The following MTX3 variants were observed in gnomAD, a reference collection of about 807,000 sequenced individuals.
MTX3 encodes the protein metaxin 3.
Under a neutral mutation model 42.5 loss-of-function variants are expected in MTX3, and 27 were observed. That is an observed-to-expected ratio of 0.64 (90% confidence interval 0.47 to 0.88). The LOEUF (loss-of-function observed/expected upper bound fraction) is 0.88, where lower values mean the gene tolerates loss of function less well. MTX3 is among the 40% of genes least tolerant of loss of function. The pLI is 0.00. For missense variants in MTX3, 378 were observed against 367.0 expected, an observed-to-expected ratio of 1.03 and a Z score of -0.25; for synonymous variants, 144 against 132.9, an observed-to-expected ratio of 1.08 and a Z score of -0.57.
At position 79,982,267 on chromosome 5, in the gene MTX3, T is replaced by C. The variant is rs1831389815; in HGVS notation, c.*1417A>G. On this transcript the variant is annotated 3_prime_UTR_variant, in exon 9 of 9. Transcript: ENST00000512528. The stretch of plus-strand genomic sequence containing the variant: ...AACTTTCAAGAAAAAATATTTAGAA[T>C]GACTTAAAGACTCTTGTATAAATAA... 1 of 326,696 alleles carries C rather than the reference T, an allele frequency of 3.1e-6. No homozygotes were observed. Among genetic ancestry groups the C allele is most frequent in the African/African-American group, 2.2e-5 (1 of 45,682 alleles). 20.2% of individuals were successfully genotyped at this position (326,696 alleles called of 1,614,324 possible).
chr5:79,985,635 G>C lies in MTX3; in HGVS notation c.764C>G (p.Thr255Arg), dbSNP rs201814611. 2.8e-4 allele frequency: 449 copies of C among 1,612,766 alleles called. No individual in the cohort carries two copies. The highest frequency in any genetic ancestry group is 3.5e-4 in the Non-Finnish European group (415 of 1,179,154). The change falls in exon 8 of 9, where the codon ACG becomes AGG. Residue 255 changes from threonine (T) to arginine (R), a missense_variant. By Grantham distance (71) the Thr-to-Arg change is moderately conservative. Coordinates refer to ENST00000512528, the MANE Select transcript of MTX3 (RefSeq NM_001363818.2). ...GAGTTTCTGCAGATTTGCATCTACC[G>C]TTTCTTGTCCAGCTGGAGAGATGCC... Reference protein sequence around the residue: ...LGGISPAGQETVDANLQKLTQ... With the variant: ...LGGISPAGQERVDANLQKLTQ...
At chr5:79,990,778 C>T (rs532098708) in intron 1 of MTX3, 115 bp from the exon 2 acceptor site, 4 of 805,898 alleles carry the variant, frequency 5.0e-6, no homozygotes, top group Admixed American at 2.0e-5. Flanking sequence ...ATACTGAGGC[C>T]GCATCCCTCC....
chr5:79,983,687 G>A lies in MTX3; in HGVS notation c.936C>T (p.Pro312=). Residue 312 remains proline, a synonymous_variant, in exon 9 of 9, where the codon CCC becomes CCT. Transcript: ENST00000512528. ...EENNSFQRLS[P] is the part of the protein sequence containing the mutation. ...TGGCCACAAACCATGACTACTCTCA[G>A]GGCGAAAGCCGTTGGAAGGAATTAT... 1 of 1,610,862 alleles carries A rather than the reference G, an allele frequency of 6.2e-7. No individual in the cohort carries two copies. Among genetic ancestry groups the A allele is most frequent in the East Asian group, 2.2e-5 (1 of 44,870 alleles).
rs1212244923 is a variant in MTX3, at chr5:79,990,381, G to T, written c.152-145C>A. ...TGGTTTTTTTGCTGTTTCACAAAGA[G>T]CGGTTCTAAAGAACATTTTCGTTTC... On this transcript the variant is annotated intron_variant, in intron 2 of 8. Coordinates refer to ENST00000512528, the MANE Select transcript of MTX3 (RefSeq NM_001363818.2). The T allele has an allele frequency of 7.0e-6, 5 of 713,906 alleles. No individual in the cohort carries two copies. The East Asian group carries it at 1.4e-4, about 20-fold the overall frequency. The allele number at this position is 713,906 out of a possible 1,614,324, so 44.2% of individuals were successfully genotyped here. A position where few individuals can be genotyped will look rare whatever the true frequency, so the allele number is the denominator to read the frequency against.
intron 8 of MTX3, among the ~76,000 whole-genome samples, chr5:79,984,981 G>GTT (rs964452586): frequency 1.3e-5 from 2 of 150,702 alleles, no homozygotes; most frequent in Middle Eastern, 3.4e-3. Context: ...TTTTTGCTTT[G>GTT]TTTTTTTTTG....
chr5:79,986,148 G>A (rs549860586), intron 7 of MTX3, among the ~76,000 whole-genome samples: 2 of 152,100 alleles, frequency 1.3e-5, no homozygotes, highest in African/African-American at 4.8e-5. Context: ...TTCTAATTTA[G>A]TAAGTCTGGA....
Position 79,991,231 on chromosome 5 carries a change from G to A in MTX3, c.8C>T (p.Ala3Val), listed in dbSNP as rs1831661559. ...TCCCCAGCAACTGAGTTCCAAGGGG[G>A]CCGCCATCTTGCGCGGGCCGACCTT... The part of the protein sequence containing the change: MA[A>V]PLELSCWGGG... The change falls in exon 1 of 9, where the codon GCC becomes GTC. Residue 3 changes from alanine (A) to valine (V), a missense_variant. By Grantham distance (64) the Ala-to-Val change is moderately conservative. Transcript: ENST00000512528. The A allele has an allele frequency of 6.9e-7, 1 of 1,456,204 alleles. No individual in the cohort carries two copies. Among genetic ancestry groups the A allele is most frequent in the Non-Finnish European group, 9.1e-7 (1 of 1,100,522 alleles). 90.2% of individuals were successfully genotyped at this position (1,456,204 alleles called of 1,614,324 possible).
chr5:79,985,619 C>G lies in MTX3; in HGVS notation c.780G>C (p.Leu260=), dbSNP rs748902085. Residue 260 remains leucine, a synonymous_variant, in exon 8 of 9, where the codon CTG becomes CTC. Coordinates refer to ENST00000512528, the MANE Select transcript of MTX3 (RefSeq NM_001363818.2). ...TATTTACAAGTTGTGTGAGTTTCTG[C>G]AGATTTGCATCTACCGTTTCTTGTC... The part of the protein sequence containing the change: ...PAGQETVDAN[L]QKLTQLVNKE... 3.7e-6 allele frequency: 6 copies of G among 1,613,486 alleles called. No individual in the cohort carries two copies. The highest frequency in any genetic ancestry group is 3.3e-5 in the Admixed American group (2 of 59,998).
At chr5:79,985,074 C>T (rs1025756585) in intron 8 of MTX3, among the ~76,000 whole-genome samples, 5 of 152,096 alleles carry the variant, frequency 3.3e-5, no homozygotes, top group African/African-American at 7.2e-5. Flanking sequence ...CTCCGCCTCC[C>T]GGGTTCATGC....
chr5:79,978,926 T>C lies in MTX3; in HGVS notation c.*4758A>G, dbSNP rs781149291. The C allele has an allele frequency of 6.5e-6, 1 of 152,698 alleles. No homozygotes were observed. Among genetic ancestry groups the C allele is most frequent in the African/African-American group, 2.4e-5 (1 of 41,466 alleles). 9.5% of individuals were successfully genotyped at this position (152,698 alleles called of 1,614,324 possible). A position where few individuals can be genotyped will look rare whatever the true frequency, so the allele number is the denominator to read the frequency against. On this transcript the variant is annotated 3_prime_UTR_variant, in exon 9 of 9. Coordinates refer to ENST00000512528, the MANE Select transcript of MTX3 (RefSeq NM_001363818.2). ...TGTCTTTTGTTATTTTGTCTACTTATTTTGTTCTGAATAATCTTCTATCAC... is the reference window on the plus strand; with the variant it reads ...TGTCTTTTGTTATTTTGTCTACTTACTTTGTTCTGAATAATCTTCTATCAC...
intron 6 of MTX3, 138 bp downstream of exon 6, chr5:79,988,101 G>T: frequency 1.6e-6 from 1 of 636,808 alleles, no homozygotes; most frequent in Non-Finnish European, 2.8e-6. Flanking sequence ...ACAGGTATGA[G>T]CCACCACACC....
rs1396405478 is a variant in MTX3 at position 79,988,273 on chromosome 5, T to C, written c.547A>G (p.Arg183Gly). 21 of 1,554,730 alleles carry C rather than the reference T, an allele frequency of 1.4e-5. No individual in the cohort carries two copies. The highest frequency in any genetic ancestry group is 1.6e-5 in the Non-Finnish European group (18 of 1,145,596). Residue 183 changes from arginine to glycine, a missense_variant, in exon 6 of 9, where the codon AGA becomes GGA. Coordinates refer to ENST00000512528, the MANE Select transcript of MTX3 (RefSeq NM_001363818.2). ...AKECLNLLSN[R>G]LGTSQFFFGD... ...AAGAAAAACTGAGATGTTCCCAATC[T>C]GTTTGATAGAAGATTTAGGCACTCC...
Position 79,977,916 on chromosome 5 carries a change from A to G in MTX3, c.*5768T>C, listed in dbSNP as rs555038455. On this transcript the variant is annotated 3_prime_UTR_variant, in exon 9 of 9. Transcript: ENST00000512528. Reference sequence around the variant, plus strand: ...AGTACAGCCAGAAAAGGTTTGGAAAATTGTTCTGGAAATACAAGTTGGTTC... The same window carrying G: ...AGTACAGCCAGAAAAGGTTTGGAAAGTTGTTCTGGAAATACAAGTTGGTTC... 1 of 152,292 alleles carries G rather than the reference A, an allele frequency of 6.6e-6. No individual in the cohort carries two copies. The highest frequency in any genetic ancestry group is 1.9e-4 in the East Asian group (1 of 5,184). 9.4% of individuals were successfully genotyped at this position (152,292 alleles called of 1,614,324 possible).
chr5:79,981,770 T>A lies in MTX3; in HGVS notation c.*1914A>T, dbSNP rs1214596581. 1.3e-5 allele frequency: 2 copies of A among 152,056 alleles called. No individual in the cohort carries two copies. The highest frequency in any genetic ancestry group is 1.9e-4 in the East Asian group (1 of 5,196). 9.4% of individuals were successfully genotyped at this position (152,056 alleles called of 1,614,324 possible). On this transcript the variant is annotated 3_prime_UTR_variant, in exon 9 of 9. Transcript: ENST00000512528. ...TTTTAATTTTTTTAATTTAAATTTT[T>A]AAAATTTTTAATTCTTTAAAATTTA...
At chr5:79,988,904 T>C (rs1047160790) in intron 4 of MTX3, among the ~76,000 whole-genome samples, 1 of 152,170 alleles carries the variant, frequency 6.6e-6, no homozygotes, top group Non-Finnish European at 1.5e-5. Flanking sequence ...TTACACCCAA[T>C]TCTATACATG....
chr5:79,988,669 A>G (rs1473709910), intron 4 of MTX3, 25 bp from the exon 5 acceptor site: 1 of 1,521,846 alleles, frequency 6.6e-7, no homozygotes, highest in African/African-American at 1.4e-5. Context: ...AAAAAACACT[A>G]CAAGGATGTT....
rs932002405 is a variant in MTX3 at position 79,981,375 on chromosome 5, G to A, written c.*2309C>T. The A allele has an allele frequency of 8.5e-5, 13 of 152,140 alleles. No individual in the cohort carries two copies. The highest frequency in any genetic ancestry group is 8.5e-4 in the Admixed American group (13 of 15,268). 9.4% of individuals were successfully genotyped at this position (152,140 alleles called of 1,614,324 possible). A position where few individuals can be genotyped will look rare whatever the true frequency, so the allele number is the denominator to read the frequency against. On this transcript the variant is annotated 3_prime_UTR_variant, in exon 9 of 9. Transcript: ENST00000512528. The stretch of plus-strand genomic sequence containing the variant: ...ATCTGGAAGCATTATGGACTATAGT[G>A]AGAATGTAAGGCTAACAGCAGTTCA...
rs1831356315 is a variant in MTX3, at chr5:79,980,844, A to C, written c.*2840T>G. 6.6e-6 allele frequency: 1 copy of C among 152,158 alleles called. No individual in the cohort carries two copies. Among genetic ancestry groups the C allele is most frequent in the Non-Finnish European group, 1.5e-5 (1 of 68,040 alleles). 9.4% of individuals were successfully genotyped at this position (152,158 alleles called of 1,614,324 possible). On this transcript the variant is annotated 3_prime_UTR_variant, in exon 9 of 9. Coordinates refer to ENST00000512528, the MANE Select transcript of MTX3 (RefSeq NM_001363818.2). ...CTGGTCCAACAGTCTGTTCAGTCTG[A>C]AAAAATGTTCTGTGCTCTGTTCAGA...
At chr5:79,986,468 C>T (rs184144639) in intron 7 of MTX3, among the ~76,000 whole-genome samples, 3 of 152,336 alleles carry the variant, frequency 2.0e-5, no homozygotes, top group Middle Eastern at 6.8e-3. Context: ...ATTTACTATA[C>T]TTCCATTCTG....
Sources: gnomAD v4.1 joint callset for allele counts (sites outside exome capture counted in the v4.1 genomes callset) on GRCh38, gnomAD v4.1.1 for gene constraint, MANE v1.5 for transcripts, NCBI Gene and HGNC (gene_info 2026-07-23, HGNC 2026-07-21) for gene names.